The following RAPGEF4 variants were observed in gnomAD, a reference collection of about 807,000 sequenced individuals.
RAPGEF4 encodes Rap guanine nucleotide exchange factor 4, also known as RAP guanine-nucleotide-exchange factor (GEF) 4.
In RAPGEF4, 66 loss-of-function variants were observed where a neutral mutation model predicts 147.9. The ratio of observed to expected loss-of-function variants is 0.45; its 90% CI spans 0.37 to 0.55. The LOEUF (loss-of-function observed/expected upper bound fraction) is 0.55, where lower values mean the gene tolerates loss of function less well. RAPGEF4 is among the 20% of genes least tolerant of loss of function. The probability of loss-of-function intolerance (pLI) is 0.00; values close to 1 mark genes in which losing one functional copy is unlikely to be tolerated. For missense variants in RAPGEF4, 1,071 were observed against 1,257.3 expected (o/e 0.85, Z 2.24); for synonymous variants, 419 against 442.7 (o/e 0.95, Z 0.67).
At chr2:172,861,652 G>C (rs1340037911) in intron 4 of RAPGEF4, among the ~76,000 whole-genome samples, 1 of 152,220 alleles carries the variant, frequency 6.6e-6, no homozygotes. Flanking sequence ...AGAGGAATAT[G>C]TCTGCTGAAT....
chr2:172,774,199 A>C (rs764843433), intron 1 of RAPGEF4, among the ~76,000 whole-genome samples: 1 of 152,228 alleles, frequency 6.6e-6, no homozygotes, highest in Non-Finnish European at 1.5e-5. Flanking sequence ...GCTCTGTCCT[A>C]ATTACTTTCC....
chr2:172,988,110 G>T (rs1427042542), intron 12 of RAPGEF4, 86 bp from the exon 13 acceptor site: 2 of 1,458,590 alleles, frequency 1.4e-6, no homozygotes, highest in African/African-American at 1.5e-5. Context: ...ATTTTCTGGG[G>T]ACTTAAAGTG....
chr2:172,844,892 G>A (rs139711362), intron 4 of RAPGEF4, among the ~76,000 whole-genome samples: 1 of 152,138 alleles, frequency 6.6e-6, no homozygotes, highest in Non-Finnish European at 1.5e-5. Context: ...AACTTTCAAC[G>A]TACAACATTG....
At chr2:172,806,254 C>T (rs1332390322) in intron 3 of RAPGEF4, among the ~76,000 whole-genome samples, 1 of 152,056 alleles carries the variant, frequency 6.6e-6, no homozygotes, top group African/African-American at 2.4e-5. Flanking sequence ...TGGCTGCTGA[C>T]AGAATAAAGT....
At chr2:172,880,268 A>G (rs776456879) in intron 4 of RAPGEF4, among the ~76,000 whole-genome samples, 1 of 152,232 alleles carries the variant, frequency 6.6e-6, no homozygotes, top group African/African-American at 2.4e-5. Context: ...GCTCACAGCT[A>G]TCATTAGATT....
chr2:172,776,532 T>C (rs1203009247), intron 1 of RAPGEF4, among the ~76,000 whole-genome samples: 1 of 152,230 alleles, frequency 6.6e-6, no homozygotes, highest in Non-Finnish European at 1.5e-5. Context: ...ATTTTGTCTC[T>C]CTTCTTCTTC....
intron 4 of RAPGEF4, among the ~76,000 whole-genome samples, chr2:172,831,266 C>CTTTTTTTTTTTT (rs71018521): frequency 0.21 from 11,092 of 53,206 alleles, 3,649 homozygotes; most frequent in East Asian, 0.36. Flanking sequence ...AGATAGAAAA[C>CTTTTTTTTTTTT]TTTTTTTTTT....
chr2:172,913,355 C>A (rs1683666041), intron 4 of RAPGEF4, among the ~76,000 whole-genome samples: 1 of 152,242 alleles, frequency 6.6e-6, no homozygotes, highest in Admixed American at 6.5e-5. Flanking sequence ...CCATGCCAAA[C>A]TTAACAGCAT....
intron 4 of RAPGEF4, among the ~76,000 whole-genome samples, chr2:172,883,011 G>A (rs1393523527): frequency 6.6e-6 from 1 of 152,080 alleles, no homozygotes; most frequent in Non-Finnish European, 1.5e-5. Flanking sequence ...TGATTTGGAA[G>A]CATGGAGTCA....
rs181565105 is a variant in RAPGEF4 at position 172,882,677 on chromosome 2, C to T, written c.445-35125C>T. 5.3e-5 allele frequency among the ~76,000 whole-genome samples: 8 copies of T among 152,266 alleles called. No homozygotes were observed. The East Asian group carries it at 1.4e-3, about 26-fold the overall frequency. ...TTAGCAGGTCATTTCATCTCTGAGA[C>T]TCAGTTTCTTCATTGATGAAAGTGA... On this transcript the variant is annotated intron_variant, in intron 4 of 30. Coordinates refer to ENST00000397081, the MANE Select transcript of RAPGEF4 (RefSeq NM_007023.4).
intron 1 of RAPGEF4, among the ~76,000 whole-genome samples, chr2:172,790,405 C>T (rs1231002786): frequency 6.6e-6 from 1 of 151,670 alleles, no homozygotes; most frequent in Non-Finnish European, 1.5e-5. Context: ...TATAAAAGGC[C>T]CTGGATATTA....
intron 5 of RAPGEF4, among the ~76,000 whole-genome samples, chr2:172,919,401 C>G (rs6752750): frequency 0.078 from 11,807 of 152,202 alleles, 636 homozygotes; most frequent in South Asian, 0.29. Flanking sequence ...CAACCAATAA[C>G]CAGACCTGAT....
chr2:172,770,764 T>A (rs1283027688), intron 1 of RAPGEF4, among the ~76,000 whole-genome samples: 1 of 152,194 alleles, frequency 6.6e-6, no homozygotes, highest in Non-Finnish European at 1.5e-5. Flanking sequence ...CAGACACACT[T>A]ACAGAACTGG....
Position 172,967,184 on chromosome 2 carries a change from C to G in RAPGEF4, c.821-77C>G. ...TGCCACTTGGCCCTCCTGCCTGACACTCTGCATTTGTTTCTAGTAAACGGA... is the reference window on the plus strand; with the variant it reads ...TGCCACTTGGCCCTCCTGCCTGACAGTCTGCATTTGTTTCTAGTAAACGGA... On this transcript the variant is annotated intron_variant, in intron 9 of 30. Transcript: ENST00000397081. 5.6e-6 allele frequency: 8 copies of G among 1,437,584 alleles called. 1 individual carries two copies. The South Asian group carries it at 1.1e-4, about 19-fold the overall frequency. The allele number at this position is 1,437,584 out of a possible 1,614,324, so 89.1% of individuals were successfully genotyped here.
At chr2:172,980,087 A>G (rs1691517431) in intron 10 of RAPGEF4, among the ~76,000 whole-genome samples, 1 of 152,224 alleles carries the variant, frequency 6.6e-6, no homozygotes, top group South Asian at 2.1e-4. Context: ...AGAGAAGAGC[A>G]TGCAAAAAGT....
intron 14 of RAPGEF4, 91 bp from the exon 15 acceptor site, chr2:172,990,718 CA>C: frequency 1.2e-6 from 1 of 833,672 alleles, no homozygotes; most frequent in Non-Finnish European, 2.0e-6. Context: ...ATTAGCATGA[CA>C]AGCACCAAAT....
intron 26 of RAPGEF4, among the ~76,000 whole-genome samples, chr2:173,031,452 G>A (rs1336617993): frequency 6.6e-6 from 1 of 152,220 alleles, no homozygotes; most frequent in African/African-American, 2.4e-5. Flanking sequence ...GGGTCCTCCT[G>A]CAAAGAGTCT....
intron 6 of RAPGEF4, among the ~76,000 whole-genome samples, chr2:172,942,595 A>G (rs1400508312): frequency 1.3e-5 from 2 of 150,980 alleles, no homozygotes; most frequent in Non-Finnish European, 2.9e-5. Context: ...AAAAAAATTC[A>G]GTAACCAAGT....
chr2:173,016,835 C>T (rs1695551800), intron 19 of RAPGEF4, among the ~76,000 whole-genome samples: 1 of 152,166 alleles, frequency 6.6e-6, no homozygotes, highest in Non-Finnish European at 1.5e-5. Flanking sequence ...ATATTTGTGT[C>T]CTCTCAATGA....
Sources: gnomAD v4.1 joint callset for allele counts (sites outside exome capture counted in the v4.1 genomes callset) on GRCh38, gnomAD v4.1.1 for gene constraint, MANE v1.5 for transcripts, NCBI Gene and HGNC (gene_info 2026-07-23, HGNC 2026-07-21) for gene names.